The following RARB variants were observed in gnomAD, a reference collection of about 807,000 sequenced individuals.
RARB encodes HBV-activated protein.
In RARB, 17 loss-of-function variants were observed where a neutral mutation model predicts 51.9. The observed-to-expected ratio is 0.33, with a 90% CI of 0.22 to 0.49. RARB has a LOEUF of 0.49. Among genes scored for constraint, RARB ranks in the 20% least tolerant of loss-of-function variants. The probability of loss-of-function intolerance (pLI) is 0.99; values close to 1 mark genes in which losing one functional copy is unlikely to be tolerated. For missense variants in RARB, 369 were observed against 550.8 expected (o/e 0.67, Z 3.30); for synonymous variants, 215 against 195.4 (o/e 1.10, Z -0.84).
intron 3 of RARB, among the ~76,000 whole-genome samples, chr3:25,524,607 C>CCCCTCCCTTCCT (rs1265019078): frequency 6.7e-6 from 1 of 149,830 alleles, no homozygotes; most frequent in African/African-American, 2.4e-5. Flanking sequence ...CTTCTCTTCC[C>CCCCTCCCTTCCT]CCCTCCCTTC....
At chr3:24,977,351 C>T (rs141127978) in intron 2 of RARB, among the ~76,000 whole-genome samples, 70 of 152,222 alleles carry the variant, frequency 4.6e-4, no homozygotes, top group Non-Finnish European at 8.1e-4. Context: ...TTACTCTGGG[C>T]GGTATGGAGA....
chr3:25,153,398 A>C (rs1046645591), intron 4 of RARB, among the ~76,000 whole-genome samples: 2 of 152,196 alleles, frequency 1.3e-5, no homozygotes, highest in African/African-American at 4.8e-5. Flanking sequence ...CTTACGAAGG[A>C]CATGCAGAGA....
At chr3:24,892,771 C>G (rs1703410620) in intron 2 of RARB, among the ~76,000 whole-genome samples, 2 of 152,176 alleles carry the variant, frequency 1.3e-5, no homozygotes, top group Non-Finnish European at 2.9e-5. Flanking sequence ...GTAACATATA[C>G]TATTACAAGA....
At chr3:25,148,674 A>G (rs1458075273) in intron 4 of RARB, among the ~76,000 whole-genome samples, 1 of 152,238 alleles carries the variant, frequency 6.6e-6, no homozygotes, top group Non-Finnish European at 1.5e-5. Flanking sequence ...CATATCTCAT[A>G]GCTCTGTGCC....
intron 5 of RARB, among the ~76,000 whole-genome samples, chr3:25,190,327 C>T (rs911847946): frequency 2.6e-5 from 4 of 152,054 alleles, no homozygotes; most frequent in African/African-American, 9.7e-5. Flanking sequence ...CAAAAACACT[C>T]AAGGGAGAGT....
chr3:25,433,774 C>T (rs1459132346), intron 1 of RARB, among the ~76,000 whole-genome samples: 1 of 152,184 alleles, frequency 6.6e-6, no homozygotes. Context: ...GCTCTGAATT[C>T]TCCTCTTTTC....
chr3:25,413,263 C>A (rs924600600), intron 5 of RARB, among the ~76,000 whole-genome samples: 8 of 109,782 alleles, frequency 7.3e-5, no homozygotes, highest in Admixed American at 2.7e-4. Flanking sequence ...TTTCATGCAA[C>A]ATTATTTTTG....
At chr3:24,987,750 G>T (rs1239601553) in intron 2 of RARB, among the ~76,000 whole-genome samples, 1 of 152,164 alleles carries the variant, frequency 6.6e-6, no homozygotes, top group Non-Finnish European at 1.5e-5. Flanking sequence ...TAAGGTAATG[G>T]ATTTGAGTTT....
chr3:25,310,353 A>T (rs2125433190), intron 5 of RARB, among the ~76,000 whole-genome samples: 1 of 152,324 alleles, frequency 6.6e-6, no homozygotes, highest in East Asian at 1.9e-4. Context: ...TATGACTGAC[A>T]GTCAGATTTC....
chr3:25,146,601 G>A (rs1003797765), intron 4 of RARB, among the ~76,000 whole-genome samples: 6 of 150,382 alleles, frequency 4.0e-5, no homozygotes, highest in Admixed American at 6.7e-5. Context: ...TCCGCCTCCC[G>A]GGTTCTCGCC....
At chr3:25,221,976 C>T (rs1026816303) in intron 5 of RARB, among the ~76,000 whole-genome samples, 1 of 152,158 alleles carries the variant, frequency 6.6e-6, no homozygotes, top group Non-Finnish European at 1.5e-5. Flanking sequence ...TGTAATTAAG[C>T]AGAATCAGCT....
intron 2 of RARB, among the ~76,000 whole-genome samples, chr3:24,989,288 A>T (rs1696862036): frequency 6.6e-6 from 1 of 152,230 alleles, no homozygotes; most frequent in Non-Finnish European, 1.5e-5. Context: ...TGTCAGCCAT[A>T]AACAATTGTC....
chr3:25,408,093 T>C (rs1053840058), intron 5 of RARB, among the ~76,000 whole-genome samples: 10 of 152,196 alleles, frequency 6.6e-5, no homozygotes, highest in African/African-American at 2.4e-4. Context: ...CTTGTCTCAA[T>C]GTCTGTTTCT....
chr3:25,441,263 A>G, intron 1 of RARB: 1 of 409,774 alleles, frequency 2.4e-6, no homozygotes, highest in Non-Finnish European at 4.7e-6. Context: ...GCTCCTGCAA[A>G]GCACCAGTAG....
intron 2 of RARB, among the ~76,000 whole-genome samples, chr3:24,988,618 T>A (rs1158038424): frequency 2.0e-5 from 3 of 152,114 alleles, no homozygotes; most frequent in Non-Finnish European, 4.4e-5. Flanking sequence ...GTTCTTCTGT[T>A]TAAAAATTTT....
chr3:25,149,591 C>T (rs1449700477), intron 4 of RARB, among the ~76,000 whole-genome samples: 3 of 152,206 alleles, frequency 2.0e-5, no homozygotes, highest in African/African-American at 7.2e-5. Context: ...GCAAGTCATT[C>T]AGAGGGAAGA....
At chr3:24,955,043 C>G (rs1014046678) in intron 2 of RARB, among the ~76,000 whole-genome samples, 1 of 152,174 alleles carries the variant, frequency 6.6e-6, no homozygotes, top group Non-Finnish European at 1.5e-5. Context: ...ACATCCTGCC[C>G]TCTTGGTACC....
intron 3 of RARB, among the ~76,000 whole-genome samples, chr3:25,095,904 A>G (rs1403702248): frequency 1.3e-5 from 2 of 152,256 alleles, no homozygotes; most frequent in South Asian, 2.1e-4. Context: ...ATCTCAATGC[A>G]TTTTAAATCT....
intron 3 of RARB, among the ~76,000 whole-genome samples, chr3:25,552,369 C>G (rs1246990258): frequency 3.3e-5 from 5 of 151,940 alleles, no homozygotes; most frequent in African/African-American, 1.2e-4. Context: ...ACAGTTAAAC[C>G]ATATGTTCTC....
Sources: gnomAD v4.1 joint callset for allele counts (sites outside exome capture counted in the v4.1 genomes callset) on GRCh38, gnomAD v4.1.1 for gene constraint, MANE v1.5 for transcripts, NCBI Gene and HGNC (gene_info 2026-07-23, HGNC 2026-07-21) for gene names.